The following NTM variants were observed in gnomAD, a reference collection of about 807,000 sequenced individuals.
NTM encodes the protein IgLON family member 2.
NTM carries 13 observed loss-of-function variants against 42.1 expected under a neutral mutation model. The ratio of observed to expected loss-of-function variants is 0.31; its 90% CI spans 0.20 to 0.49. The LOEUF (loss-of-function observed/expected upper bound fraction) is 0.49, where lower values mean the gene tolerates loss of function less well. NTM is among the 20% of genes least tolerant of loss of function. NTM has a pLI of 0.99. For synonymous variants in NTM, 187 were observed against 179.2 expected (o/e 1.04, Z -0.35); for missense variants, 373 against 452.8 (o/e 0.82, Z 1.60).
intron 1 of NTM, among the ~76,000 whole-genome samples, chr11:131,745,604 G>A (rs549482662): frequency 6.6e-6 from 1 of 152,288 alleles, no homozygotes; most frequent in East Asian, 1.9e-4. Flanking sequence ...TGGAGTTGAA[G>A]TCCTGACTCA....
At chr11:132,192,158 G>C (rs2079416887) in intron 3 of NTM, among the ~76,000 whole-genome samples, 1 of 152,058 alleles carries the variant, frequency 6.6e-6, no homozygotes. Flanking sequence ...TCAAGAAATT[G>C]AGAGAACCCC....
intron 1 of NTM, among the ~76,000 whole-genome samples, chr11:131,602,853 A>AT (rs1317223557): frequency 1.3e-5 from 2 of 152,226 alleles, no homozygotes; most frequent in Non-Finnish European, 2.9e-5. Flanking sequence ...CCCAAGAGTC[A>AT]TCCCTGAAGC....
rs778791717 is a variant in NTM, at chr11:131,598,332, G to A, written c.82+227444G>A. On this transcript the variant is annotated intron_variant, in intron 1 of 8. Transcript: ENST00000683400. ...GATGGTAATGTTCTGGTAAATTTCC[G>A]TGTTCCCAAGTGGAAGGGTTTGGAA... Among the ~76,000 whole-genome samples, 12 of 152,278 alleles carry A rather than the reference G, an allele frequency of 7.9e-5. No homozygotes were observed. In the South Asian group the frequency reaches 1.0e-3, roughly 13 times the overall value.
At chr11:131,670,771 G>A (rs535140008) in intron 1 of NTM, among the ~76,000 whole-genome samples, 7 of 152,164 alleles carry the variant, frequency 4.6e-5, no homozygotes, top group East Asian at 1.9e-4. Flanking sequence ...TCCGAGAGGC[G>A]TAGCCCTTCT....
At chr11:132,089,297 G>GT (rs1405130513) in intron 2 of NTM, among the ~76,000 whole-genome samples, 1 of 152,106 alleles carries the variant, frequency 6.6e-6, no homozygotes, top group Non-Finnish European at 1.5e-5. Flanking sequence ...ATTGTGCCTT[G>GT]TTTTTGGAAT....
At position 131,832,343 on chromosome 11, in the gene NTM, C is replaced by T. The variant is rs138322181; in HGVS notation, c.83-79221C>T. On this transcript the variant is annotated intron_variant, in intron 1 of 8. Transcript: ENST00000683400. ...AGGGGACTGAGCATGTGATGTTTGG[C>T]AAAGCAATCATTACAAAGAAACCTC... is the stretch of plus-strand genomic sequence containing the variant. Among the ~76,000 whole-genome samples, 269 of 151,872 alleles carry T rather than the reference C, an allele frequency of 1.8e-3. 1 individual carries two copies. The highest frequency in any genetic ancestry group is 5.9e-3 in the African/African-American group (246 of 41,414).
chr11:132,180,721 T>C (rs2077446939), intron 3 of NTM, among the ~76,000 whole-genome samples: 1 of 152,076 alleles, frequency 6.6e-6, no homozygotes, highest in Non-Finnish European at 1.5e-5. Context: ...CCAAACACTA[T>C]AAGTCTAATA....
intron 3 of NTM, among the ~76,000 whole-genome samples, chr11:132,193,118 C>T (rs1269210611): frequency 6.6e-6 from 1 of 152,094 alleles, no homozygotes; most frequent in African/African-American, 2.4e-5. Context: ...AACAAAGATA[C>T]ACTGACAAAC....
intron 2 of NTM, among the ~76,000 whole-genome samples, chr11:132,142,341 G>A (rs950173065): frequency 6.6e-6 from 1 of 152,164 alleles, no homozygotes; most frequent in Non-Finnish European, 1.5e-5. Flanking sequence ...CCACCATCCT[G>A]AGAGAGGTGA....
intron 1 of NTM, among the ~76,000 whole-genome samples, chr11:131,875,187 C>A (rs901744226): frequency 1.3e-5 from 2 of 152,212 alleles, no homozygotes; most frequent in Admixed American, 6.5e-5. Context: ...CACTGTCTAT[C>A]CTTCCTCACT....
rs532148724 is a variant in NTM at position 132,289,242 on chromosome 11, T to G, written c.527-18447T>G. Among the ~76,000 whole-genome samples, 3 of 152,302 alleles carry G rather than the reference T, an allele frequency of 2.0e-5. No homozygotes were observed. The South Asian group carries it at 6.2e-4, about 32-fold the overall frequency. On this transcript the variant is annotated intron_variant, in intron 4 of 8. Transcript: ENST00000683400. The stretch of plus-strand genomic sequence containing the variant: ...TTGCTCTTTGTAGGATGAGTAATTT[T>G]TGATTATATAGTGCACATTTTTATC...
intron 4 of NTM, among the ~76,000 whole-genome samples, chr11:132,247,555 T>C (rs1417090686): frequency 6.6e-6 from 1 of 152,090 alleles, no homozygotes; most frequent in Non-Finnish European, 1.5e-5. Context: ...GAAAAAAACA[T>C]ATAATGAAGT....
intron 1 of NTM, among the ~76,000 whole-genome samples, chr11:131,436,605 T>C (rs1377421171): frequency 2.0e-5 from 3 of 152,228 alleles, no homozygotes; most frequent in Admixed American, 6.5e-5. Flanking sequence ...TGGTAGTTTG[T>C]ATTTCTGTGG....
At chr11:131,531,319 G>C (rs1321661890) in intron 1 of NTM, among the ~76,000 whole-genome samples, 1 of 152,144 alleles carries the variant, frequency 6.6e-6, no homozygotes, top group East Asian at 1.9e-4. Flanking sequence ...TTTTTGGGGG[G>C]GAGGTGGGGG....
At chr11:131,432,098 A>G (rs1014337107) in intron 1 of NTM, among the ~76,000 whole-genome samples, 27 of 152,220 alleles carry the variant, frequency 1.8e-4, no homozygotes, top group East Asian at 3.9e-4. Context: ...CCAAGACCTC[A>G]TCTTTGTCCT....
chr11:132,294,108 G>A (rs577932326), intron 4 of NTM, among the ~76,000 whole-genome samples: 6 of 152,146 alleles, frequency 3.9e-5, no homozygotes, highest in Admixed American at 1.3e-4. Flanking sequence ...AACACCTCCC[G>A]AAGGTGTCAC....
chr11:131,579,944 T>A (rs1394802339), intron 1 of NTM, among the ~76,000 whole-genome samples: 1 of 152,220 alleles, frequency 6.6e-6, no homozygotes, highest in Non-Finnish European at 1.5e-5. Context: ...ATGGCTGCCC[T>A]GAGCAACATT....
intron 1 of NTM, among the ~76,000 whole-genome samples, chr11:131,764,375 C>T (rs1245087362): frequency 1.3e-5 from 2 of 152,146 alleles, no homozygotes; most frequent in African/African-American, 4.8e-5. Context: ...TTCCTCATGT[C>T]ACCTGGGGAC....
chr11:131,384,659 G>A (rs190415673), intron 1 of NTM, among the ~76,000 whole-genome samples: 5 of 152,254 alleles, frequency 3.3e-5, no homozygotes, highest in East Asian at 1.9e-4. Context: ...GGCCCTCAGG[G>A]AATACAAACA....
Sources: gnomAD v4.1 joint callset for allele counts (sites outside exome capture counted in the v4.1 genomes callset) on GRCh38, gnomAD v4.1.1 for gene constraint, MANE v1.5 for transcripts, NCBI Gene and HGNC (gene_info 2026-07-23, HGNC 2026-07-21) for gene names.